The following EMSY variants were observed in gnomAD, a reference collection of about 807,000 sequenced individuals.
The protein encoded by EMSY is EMSY transcriptional repressor, BRCA2 interacting.
A neutral mutation model predicts 134.6 loss-of-function variants in EMSY; 26 were observed. The ratio of observed to expected loss-of-function variants is 0.19; its 90% CI spans 0.14 to 0.27. The LOEUF (loss-of-function observed/expected upper bound fraction) is 0.27, where lower values mean the gene tolerates loss of function less well. Among genes scored for constraint, EMSY ranks in the 10% least tolerant of loss-of-function variants. The probability of loss-of-function intolerance (pLI) is 1.00; values close to 1 mark genes in which losing one functional copy is unlikely to be tolerated. For missense variants in EMSY, 1,305 were observed against 1,611.4 expected, an observed-to-expected ratio of 0.81 and a Z score of 3.26; for synonymous variants, 579 against 577.8, an observed-to-expected ratio of 1.00 and a Z score of -0.03.
At chr11:76,472,117 C>T (rs1445944238) in intron 7 of EMSY, among the ~76,000 whole-genome samples, 1 of 152,186 alleles carries the variant, frequency 6.6e-6, no homozygotes, top group Non-Finnish European at 1.5e-5. Flanking sequence ...GTTTATTTCT[C>T]TCCCACTACT....
chr11:76,465,392 A>G lies in EMSY; in HGVS notation c.831+1312A>G, dbSNP rs569562196. Among the ~76,000 whole-genome samples, 26 of 152,358 alleles carry G rather than the reference A, an allele frequency of 1.7e-4. No homozygotes were observed. In the South Asian group the frequency reaches 5.2e-3, roughly 30 times the overall value. On this transcript the variant is annotated intron_variant, in intron 7 of 20. Coordinates refer to ENST00000334736, the Ensembl canonical transcript of EMSY. ...ACCCGAGTTTTCTCGTCTATAAAAC[A>G]GAGAAAACAATGTATTTATTTTATA...
chr11:76,537,370 C>T (rs1050324039), intron 15 of EMSY, among the ~76,000 whole-genome samples: 1 of 152,134 alleles, frequency 6.6e-6, no homozygotes, highest in Non-Finnish European at 1.5e-5. Flanking sequence ...TTAAACTGGT[C>T]ACTGTGTTGT....
At chr11:76,551,896 A>G (rs1951845094), downstream of EMSY, 1 of 152,182 alleles carries the variant, frequency 6.6e-6, no homozygotes, top group South Asian at 2.1e-4. Flanking sequence ...TTACAGATTA[A>G]GTTTTTATAA....
intron 2 of EMSY, among the ~76,000 whole-genome samples, chr11:76,449,867 A>G (rs1419225728): frequency 6.6e-6 from 1 of 152,180 alleles, no homozygotes; most frequent in African/African-American, 2.4e-5. Context: ...TCCTAGAAAT[A>G]TTCTCCATGA....
chr11:76,529,525 A>G (rs944721436), intron 14 of EMSY, among the ~76,000 whole-genome samples: 2 of 152,286 alleles, frequency 1.3e-5, no homozygotes, highest in South Asian at 2.1e-4. Context: ...GAAGAGTACA[A>G]TATAGTTCTT....
rs770130733 is a variant in EMSY, at chr11:76,516,320, T to A, written c.1684+8T>A. ...GCAGTAATATAGTTTCTGGTAGGTA[T>A]ATCTGAAATATGTTAAAGGTATAGG... is the stretch of plus-strand genomic sequence containing the variant. On this transcript the variant is annotated splice_region_variant and intron_variant, in intron 11 of 20. Coordinates refer to ENST00000334736, the Ensembl canonical transcript of EMSY. 3.8e-5 allele frequency: 60 copies of A among 1,594,576 alleles called. No homozygotes were observed. Among genetic ancestry groups the A allele is most frequent in the Non-Finnish European group, 5.2e-5 (60 of 1,165,008 alleles).
At chr11:76,505,334 T>C (rs1364214843) in intron 9 of EMSY, among the ~76,000 whole-genome samples, 1 of 150,202 alleles carries the variant, frequency 6.7e-6, no homozygotes, top group East Asian at 2.0e-4. Context: ...TAGCTGGGAT[T>C]ACAGGCGCGC....
intron 1 of EMSY, among the ~76,000 whole-genome samples, chr11:76,445,960 C>T (rs1193739851): frequency 2.0e-5 from 3 of 152,138 alleles, no homozygotes; most frequent in Non-Finnish European, 4.4e-5. Flanking sequence ...CACCTCGGGA[C>T]ACAGAGTTGG....
chr11:76,488,326 C>T (rs548363289), intron 8 of EMSY, among the ~76,000 whole-genome samples: 112 of 152,174 alleles, frequency 7.4e-4, no homozygotes, highest in Middle Eastern at 3.4e-3. Context: ...ATTAGCCAGG[C>T]GTGGTGGTGT....
intron 2 of EMSY, 26 bp downstream of exon 2, chr11:76,447,034 A>G: frequency 1.2e-6 from 2 of 1,607,916 alleles, no homozygotes; most frequent in Non-Finnish European, 1.7e-6. Context: ...TTTGTTTTTT[A>G]CCTCTCTCTG....
intron 9 of EMSY, among the ~76,000 whole-genome samples, chr11:76,507,671 T>G (rs1390018067): frequency 6.6e-6 from 1 of 151,904 alleles, no homozygotes; most frequent in Non-Finnish European, 1.5e-5. Context: ...TCCATAGAGG[T>G]TGGAATCCAC....
rs79944354 is a variant in EMSY, at chr11:76,486,704, G to A, written c.1109-9511G>A. ...CCTTCAGAGTCTGTCTGGAAGGTGG[G>A]TGAAGTGGATATTTAAGAAGTTTTT... On this transcript the variant is annotated intron_variant, in intron 8 of 20. Coordinates refer to ENST00000334736, the Ensembl canonical transcript of EMSY. Among the ~76,000 whole-genome samples, 761 of 152,276 alleles carry A rather than the reference G, an allele frequency of 5.0e-3. 5 individuals are homozygous for A. Among genetic ancestry groups the A allele is most frequent in the African/African-American group, 0.017 (711 of 41,554 alleles).
intron 2 of EMSY, among the ~76,000 whole-genome samples, chr11:76,447,940 A>G (rs1431916165): frequency 1.3e-5 from 2 of 152,232 alleles, no homozygotes; most frequent in African/African-American, 4.8e-5. Flanking sequence ...TTATTTAGAT[A>G]TCTGTGATTT....
chr11:76,526,688 T>G, intron 13 of EMSY, 53 bp downstream of exon 14: 1 of 1,446,036 alleles, frequency 6.9e-7, no homozygotes, highest in Non-Finnish European at 9.4e-7. Context: ...TTTCAATTCT[T>G]ATAATTCCCG....
chr11:76,518,394 C>T (rs1007658263), intron 11 of EMSY, among the ~76,000 whole-genome samples: 11 of 151,468 alleles, frequency 7.3e-5, no homozygotes, highest in African/African-American at 2.4e-4. Flanking sequence ...TCTCAAACTC[C>T]TGAGTTGAAG....
At chr11:76,497,722 ATCTT>A (rs1378558016) in intron 9 of EMSY, among the ~76,000 whole-genome samples, 4 of 152,088 alleles carry the variant, frequency 2.6e-5, no homozygotes, top group African/African-American at 9.7e-5. Context: ...GGTGGTTTGT[ATCTT>A]TCTTTGTCAG....
At chr11:76,506,509 G>A (rs1290866885) in intron 9 of EMSY, among the ~76,000 whole-genome samples, 1 of 152,194 alleles carries the variant, frequency 6.6e-6, no homozygotes, top group Non-Finnish European at 1.5e-5. Flanking sequence ...TCCTGACAGT[G>A]TAAGAATTCC....
chr11:76,544,591 C>T (rs1371222790), exon 19 of EMSY: 2 of 1,614,134 alleles, frequency 1.2e-6, no homozygotes, highest in Middle Eastern at 3.3e-4. Context: ...AAGCACAGCC[C>T]AAGCCAGATG....
At chr11:76,495,796 GA>G (rs1949630594) in intron 8 of EMSY, among the ~76,000 whole-genome samples, 1 of 151,886 alleles carries the variant, frequency 6.6e-6, no homozygotes, top group Admixed American at 6.6e-5. Flanking sequence ...ATTAGAACCT[GA>G]AAAATAATAT....
Sources: allele counts gnomAD v4.1 joint callset (sites outside exome capture counted in the v4.1 genomes callset), GRCh38; gene constraint gnomAD v4.1.1; transcripts MANE v1.5; gene names NCBI Gene and HGNC (gene_info 2026-07-23, HGNC 2026-07-21).